Variants in PHF24 observed in about 807,000 individuals in gnomAD.
The protein encoded by PHF24 is PHD finger protein 24.
A neutral mutation model predicts 42.6 loss-of-function variants in PHF24; 25 were observed. The observed-to-expected ratio is 0.59, with a 90% CI of 0.43 to 0.82. The LOEUF (loss-of-function observed/expected upper bound fraction) is 0.82. PHF24 is among the 40% of genes least tolerant of loss of function. PHF24 has a pLI of 0.00. For synonymous variants in PHF24, 185 were observed against 204.8 expected (o/e 0.90, Z 0.83); for missense variants, 470 against 538.1 (o/e 0.87, Z 1.25).
chr9:34,963,553 G>T (rs1432580776), intron 1 of PHF24, among the ~76,000 whole-genome samples: 3 of 152,148 alleles, frequency 2.0e-5, no homozygotes, highest in East Asian at 1.9e-4. Flanking sequence ...CAAAGGAAGT[G>T]CATTTTCACA....
chr9:34,781,132 CA>C, the PHF24 span, among the ~76,000 whole-genome samples: 3 of 152,144 alleles, frequency 2.0e-5, no homozygotes, highest in Non-Finnish European at 4.4e-5. Flanking sequence ...GGTAAATACC[CA>C]AACTAACCGA....
At chr9:34,859,549 T>C in the PHF24 span, among the ~76,000 whole-genome samples, 1 of 152,220 alleles carries the variant, frequency 6.6e-6, no homozygotes, top group East Asian at 1.9e-4. Flanking sequence ...AAGGTTATGA[T>C]ATTTGTCAGT....
the PHF24 span, among the ~76,000 whole-genome samples, chr9:34,774,766 T>A: frequency 6.6e-6 from 1 of 152,152 alleles, no homozygotes; most frequent in South Asian, 2.1e-4. Context: ...AGAGTGAGAC[T>A]CCATCTCACA....
At chr9:34,835,446 A>G in the PHF24 span, 1 of 1,551,900 alleles carries the variant, frequency 6.4e-7, no homozygotes, top group African/African-American at 1.4e-5. Context: ...GGACTGAGAA[A>G]TGGCAGGTGG....
chr9:34,871,988 A>G, the PHF24 span, among the ~76,000 whole-genome samples: 1 of 152,182 alleles, frequency 6.6e-6, no homozygotes, highest in Non-Finnish European at 1.5e-5. Flanking sequence ...AGATCTTGAC[A>G]ATATTGTCTT....
chr9:34,782,207 A>C, the PHF24 span, among the ~76,000 whole-genome samples: 1 of 152,190 alleles, frequency 6.6e-6, no homozygotes, highest in Non-Finnish European at 1.5e-5. Context: ...TTAGCAAATC[A>C]GTGGATGGTC....
the PHF24 span, among the ~76,000 whole-genome samples, chr9:34,670,069 C>T: frequency 6.6e-6 from 1 of 152,188 alleles, no homozygotes; most frequent in Non-Finnish European, 1.5e-5. Context: ...TTGATGAACA[C>T]ATTGATGTCC....
At chr9:34,691,207 T>G in the PHF24 span, 4 of 1,435,626 alleles carry the variant, frequency 2.8e-6, no homozygotes, top group Non-Finnish European at 3.9e-6. Flanking sequence ...GTGCAGGATC[T>G]GTGTGAGGCT....
chr9:34,963,579 C>T (rs1275215840), intron 1 of PHF24, among the ~76,000 whole-genome samples: 1 of 152,146 alleles, frequency 6.6e-6, no homozygotes, highest in Non-Finnish European at 1.5e-5. Context: ...TACTTGTGTC[C>T]TTAAGGCAAC....
the PHF24 span, among the ~76,000 whole-genome samples, chr9:34,843,834 A>G: frequency 7.2e-5 from 11 of 151,910 alleles, no homozygotes; most frequent in Non-Finnish European, 1.6e-4. Context: ...AGCCTCTGAA[A>G]ATGTTGGGAT....
the PHF24 span, among the ~76,000 whole-genome samples, chr9:34,802,383 C>G: frequency 6.9e-6 from 1 of 145,710 alleles, no homozygotes; most frequent in South Asian, 2.3e-4. Flanking sequence ...TCATTCCAAT[C>G]ACCAACCTTC....
At chr9:34,786,952 A>G in the PHF24 span, among the ~76,000 whole-genome samples, 2 of 152,048 alleles carry the variant, frequency 1.3e-5, no homozygotes, top group Non-Finnish European at 2.9e-5. Flanking sequence ...ACAGAAGGCC[A>G]GAGTGCTGAA....
At chr9:34,930,630 C>A in the PHF24 span, among the ~76,000 whole-genome samples, 2 of 151,014 alleles carry the variant, frequency 1.3e-5, no homozygotes, top group East Asian at 2.0e-4. Context: ...TATGACAATT[C>A]TTCTTCTCTT....
At chr9:34,972,276 T>C (rs1382164194) in intron 2 of PHF24, 70 bp from the exon 3 acceptor site, 1 of 1,408,062 alleles carries the variant, frequency 7.1e-7, no homozygotes, top group Non-Finnish European at 9.8e-7. Flanking sequence ...GGTAGCTCTG[T>C]GCTTAGTGGC....
chr9:34,924,404 T>G, the PHF24 span, among the ~76,000 whole-genome samples: 1 of 152,140 alleles, frequency 6.6e-6, no homozygotes, highest in Non-Finnish European at 1.5e-5. Flanking sequence ...TGTATAAGGG[T>G]CTATCTCTCT....
At chr9:34,871,254 G>A in the PHF24 span, among the ~76,000 whole-genome samples, 1 of 152,180 alleles carries the variant, frequency 6.6e-6, no homozygotes, top group South Asian at 2.1e-4. Context: ...TTGGTGAGGA[G>A]TCCAAGTCTT....
At chr9:34,894,317 A>T in the PHF24 span, 1 of 396,140 alleles carries the variant, frequency 2.5e-6, no homozygotes, top group African/African-American at 2.1e-5. Context: ...CTAGTGAACC[A>T]GCCTCCACTG....
chr9:34,848,050 T>G, the PHF24 span, among the ~76,000 whole-genome samples: 21 of 152,240 alleles, frequency 1.4e-4, no homozygotes, highest in African/African-American at 4.8e-4. Flanking sequence ...AGGATATTGA[T>G]CTAAAATTCT....
At chr9:34,844,033 A>T in the PHF24 span, among the ~76,000 whole-genome samples, 2 of 152,192 alleles carry the variant, frequency 1.3e-5, no homozygotes, top group East Asian at 3.9e-4. Flanking sequence ...GGTAGATTGT[A>T]TGTTCTAGGA....
Sources: gnomAD v4.1 joint callset for allele counts (sites outside exome capture counted in the v4.1 genomes callset) on GRCh38, gnomAD v4.1.1 for gene constraint, MANE v1.5 for transcripts, NCBI Gene and HGNC (gene_info 2026-07-23, HGNC 2026-07-21) for gene names.